Variants in AP3B2 observed in about 807,000 individuals in gnomAD.
AP3B2 encodes the protein AP-3 complex subunit beta-2.
In AP3B2, 50 loss-of-function variants were observed where a neutral mutation model predicts 126.9. The ratio of observed to expected loss-of-function variants is 0.39; its 90% confidence interval spans 0.31 to 0.50. The LOEUF is 0.50. AP3B2 is among the 20% of genes least tolerant of loss of function. AP3B2 has a pLI of 0.79. For synonymous variants in AP3B2, 541 were observed against 565.0 expected (o/e 0.96, Z 0.60); for missense variants, 1,177 against 1,426.4 (o/e 0.83, Z 2.82).
rs780817370 is a variant in AP3B2, at chr15:82,659,959, A to G, written c.3041T>C (p.Ile1014Thr). ...EQGKLMGMNE[I>T]TEKLMLPDTC... ...GTCTGGCAGCATGAGTTTCTCTGTG[A>G]TCTCATTCATGCCCATCAGCTTTCC... Residue 1014 changes from isoleucine to threonine, a missense_variant, in exon 26 of 27, where the codon ATC becomes ACC. Ile to Thr is a moderately conservative substitution (Grantham distance 89). This residue lies in a region of AP3B2 where 587 missense variants were observed against 571.3 expected (regional missense o/e 1.03). Coordinates refer to ENST00000535359, the MANE Select transcript of AP3B2 (RefSeq NM_001278512.2). The G allele has an allele frequency of 1.2e-6, 2 of 1,613,868 alleles. No homozygotes were observed. Among genetic ancestry groups the G allele is most frequent in the East Asian group, 2.2e-5 (1 of 44,878 alleles).
At chr15:82,700,525 A>G (rs1158582935) in intron 1 of AP3B2, among the ~76,000 whole-genome samples, 1 of 149,708 alleles carries the variant, frequency 6.7e-6, no homozygotes, top group Non-Finnish European at 1.5e-5. Flanking sequence ...CAGCCTCCCA[A>G]GTAGCTGGGA....
At chr15:82,668,131 G>A (rs1273124082) in intron 14 of AP3B2, among the ~76,000 whole-genome samples, 1 of 152,210 alleles carries the variant, frequency 6.6e-6, no homozygotes, top group African/African-American at 2.4e-5. Flanking sequence ...CTCAGATGCT[G>A]ACCCAGAGTC....
chr15:82,685,607 T>A (rs1376297211), intron 4 of AP3B2: 1 of 152,238 alleles, frequency 6.6e-6, no homozygotes, highest in Non-Finnish European at 1.5e-5. Context: ...ATCATCTGCT[T>A]AAACCTGTTT....
intron 15 of AP3B2, among the ~76,000 whole-genome samples, chr15:82,666,251 C>T (rs1358113531): frequency 2.0e-5 from 3 of 152,202 alleles, no homozygotes; most frequent in Non-Finnish European, 4.4e-5. Context: ...GAAAAGAGGC[C>T]TTAAGGGCCA....
At chr15:82,678,033 G>C (rs1263849340) in intron 11 of AP3B2, 72 bp downstream of exon 11, 11 of 1,543,732 alleles carry the variant, frequency 7.1e-6, no homozygotes. Flanking sequence ...ATAAGAGGAG[G>C]TTTACCCACC....
intron 14 of AP3B2, among the ~76,000 whole-genome samples, chr15:82,673,429 G>A (rs2048190433): frequency 1.3e-5 from 2 of 152,100 alleles, no homozygotes; most frequent in Non-Finnish European, 2.9e-5. Flanking sequence ...GGTCAGGCTG[G>A]TCTTGAATTC....
intron 20 of AP3B2, 36 bp downstream of exon 20, chr15:82,663,765 C>G (rs775731578): frequency 1.2e-6 from 2 of 1,602,076 alleles, no homozygotes; most frequent in Admixed American, 3.4e-5. Flanking sequence ...GGCCCTGGCC[C>G]ATGAGCACAC....
chr15:82,688,634 C>G, intron 4 of AP3B2, 102 bp downstream of exon 4: 1 of 1,112,104 alleles, frequency 9.0e-7, no homozygotes, highest in South Asian at 1.3e-5. Flanking sequence ...AGGAAGGGGT[C>G]TGCAGAGCCC....
In AP3B2 at chr15:82,664,230, G is replaced by C; in HGVS notation, c.2261+137C>G. 1 of 1,403,844 alleles carries C rather than the reference G, an allele frequency of 7.1e-7. No homozygotes were observed. Among genetic ancestry groups the C allele is most frequent in the Non-Finnish European group, 9.7e-7 (1 of 1,035,874 alleles). The allele number at this position is 1,403,844 out of a possible 1,614,324, so 87.0% of individuals were successfully genotyped here. A position where few individuals can be genotyped will look rare whatever the true frequency, so the allele number is the denominator to read the frequency against. On this transcript the variant is annotated intron_variant, in intron 19 of 26. Coordinates refer to ENST00000535359, the MANE Select transcript of AP3B2 (RefSeq NM_001278512.2). The surrounding 1 kb of genome is among the most constrained non-coding windows in gnomAD (Gnocchi z 4.5). ...TCTCCTGCAGCCAGCGAAAGTAGGCGTCATGTGAGCTGACAGCCCCACCCA... is the reference window on the plus strand; with the variant it reads ...TCTCCTGCAGCCAGCGAAAGTAGGCCTCATGTGAGCTGACAGCCCCACCCA...
chr15:82,709,093 T>A (rs763737502), intron 1 of AP3B2, among the ~76,000 whole-genome samples: 1 of 151,346 alleles, frequency 6.6e-6, no homozygotes, highest in Admixed American at 6.6e-5. Flanking sequence ...GATGTGAGGG[T>A]CAGATGGAGA....
intron 23 of AP3B2, 65 bp from the exon 24 acceptor site, chr15:82,662,317 C>G (rs151177638): frequency 0.023 from 28,612 of 1,238,988 alleles, 434 homozygotes; most frequent in Non-Finnish European, 0.028. Context: ...GTCTAGAACC[C>G]AGCCTAGCCC....
At chr15:82,703,629 G>A (rs1369120426) in intron 1 of AP3B2, among the ~76,000 whole-genome samples, 9 of 152,078 alleles carry the variant, frequency 5.9e-5, no homozygotes, top group African/African-American at 1.7e-4. Context: ...CGGCACTTTC[G>A]ATTTTTCCAT....
chr15:82,662,800 G>C lies in AP3B2; in HGVS notation c.2727C>G (p.Ser909=), dbSNP rs774114116. ...AGCTGTTGGAGAAGTGGATGTGCAC[G>C]GACACCATGTGGGGATCCCCGGAGA... is the stretch of plus-strand genomic sequence containing the variant. ...QPFSGDPHMV[S]VHIHFSNSSD... The change falls in exon 23 of 27, where the codon TCC becomes TCG. Residue 909 remains serine, a synonymous_variant. Coordinates refer to ENST00000535359, the MANE Select transcript of AP3B2 (RefSeq NM_001278512.2). 2 of 1,613,752 alleles carry C rather than the reference G, an allele frequency of 1.2e-6. No homozygotes were observed. The highest frequency in any genetic ancestry group is 8.5e-7 in the Non-Finnish European group (1 of 1,179,804).
intron 14 of AP3B2, 32 bp downstream of exon 14, chr15:82,676,429 G>C (rs1198067482): frequency 1.2e-6 from 2 of 1,607,506 alleles, no homozygotes; most frequent in Admixed American, 3.4e-5. Flanking sequence ...CTGGGGACCA[G>C]AGTATCTGGG....
At chr15:82,707,436 C>T (rs1257515280) in intron 1 of AP3B2, among the ~76,000 whole-genome samples, 1 of 152,156 alleles carries the variant, frequency 6.6e-6, no homozygotes, top group Admixed American at 6.5e-5. Flanking sequence ...TGGACTGTGC[C>T]CCAGAAAACT....
At chr15:82,662,116 C>T in intron 24 of AP3B2, 52 bp downstream of exon 24, 1 of 1,506,064 alleles carries the variant, frequency 6.6e-7, no homozygotes, top group South Asian at 1.2e-5. Context: ...TCATTGTTAC[C>T]CTGTCCCTTT....
At chr15:82,687,963 A>G (rs1319687895) in intron 4 of AP3B2, 4 of 155,478 alleles carry the variant, frequency 2.6e-5, no homozygotes, top group Admixed American at 1.3e-4. Context: ...TTAGCCGAGC[A>G]TGGTGATGCA....
chr15:82,709,357 C>G (rs1011217598), intron 1 of AP3B2, among the ~76,000 whole-genome samples: 3 of 152,100 alleles, frequency 2.0e-5, no homozygotes, highest in African/African-American at 7.2e-5. Flanking sequence ...GCTGGCCCAT[C>G]CCCCGCCAGC....
chr15:82,667,212 A>C (rs2048073701), intron 14 of AP3B2, among the ~76,000 whole-genome samples: 1 of 151,608 alleles, frequency 6.6e-6, no homozygotes, highest in Non-Finnish European at 1.5e-5. Context: ...CTGGCTCTGG[A>C]CTCCATTCTT....
Sources: allele counts gnomAD v4.1 joint callset (sites outside exome capture counted in the v4.1 genomes callset), GRCh38; gene constraint gnomAD v4.1.1; regional missense constraint gnomAD v4.1.1; non-coding constraint Gnocchi (gnomAD v3.1); transcripts MANE v1.5; gene names NCBI Gene and HGNC (gene_info 2026-07-23, HGNC 2026-07-21).